The following GFRA2 variants were observed in gnomAD, a reference collection of about 807,000 sequenced individuals.
The protein encoded by GFRA2 is GDNF family receptor alpha 2.
In GFRA2, 17 loss-of-function variants were observed where a neutral mutation model predicts 48.3. The observed-to-expected ratio is 0.35, with a 90% CI of 0.24 to 0.53. The LOEUF is 0.53. Among genes scored for constraint, GFRA2 ranks in the 20% least tolerant of loss-of-function variants. The pLI, the probability that GFRA2 is intolerant of heterozygous loss-of-function variation, is 0.93. For missense variants in GFRA2, 660 were observed against 637.3 expected, an observed-to-expected ratio of 1.04 and a Z score of -0.38; for synonymous variants, 305 against 257.2, an observed-to-expected ratio of 1.19 and a Z score of -1.78.
chr8:21,756,425 G>A lies in GFRA2; in HGVS notation c.440-5483C>T, dbSNP rs77098861. On this transcript the variant is annotated intron_variant, in intron 3 of 8. Transcript: ENST00000524240. ...AGAAAAGACCCCAGGAGCGGGCCTG[G>A]GCTCTGAGGCTCTGCCAAGCACCTC... Among the ~76,000 whole-genome samples, 175 of 152,298 alleles carry A rather than the reference G, an allele frequency of 1.1e-3. 2 individuals are homozygous for A. In the East Asian group the frequency reaches 0.029, roughly 25 times the overall value.
chr8:21,808,235 G>C (rs1207434280), intron 1 of GFRA2, among the ~76,000 whole-genome samples: 1 of 152,130 alleles, frequency 6.6e-6, no homozygotes, highest in Non-Finnish European at 1.5e-5. Flanking sequence ...AAAACTCCAT[G>C]GTGGAATATT....
At chr8:21,746,055 T>G (rs1051789175) in intron 4 of GFRA2, among the ~76,000 whole-genome samples, 4 of 152,158 alleles carry the variant, frequency 2.6e-5, no homozygotes, top group Admixed American at 6.5e-5. Flanking sequence ...ACAGATGACT[T>G]GGTTCAGCAT....
intron 2 of GFRA2, among the ~76,000 whole-genome samples, chr8:21,801,660 TG>T (rs1284658347): frequency 6.6e-6 from 1 of 151,336 alleles, no homozygotes; most frequent in Non-Finnish European, 1.5e-5. Flanking sequence ...CCAGGCAGAG[TG>T]GGTAAAGGAA....
intron 6 of GFRA2, among the ~76,000 whole-genome samples, chr8:21,704,279 G>T (rs1364267035): frequency 6.6e-6 from 1 of 152,172 alleles, no homozygotes; most frequent in Non-Finnish European, 1.5e-5. Flanking sequence ...CTTCCTGGCT[G>T]ACTTGGGCAT....
chr8:21,788,369 T>C lies in GFRA2; in HGVS notation c.-210A>G. On this transcript the variant is annotated 5_prime_UTR_variant, in exon 1 of 9. Transcript: ENST00000524240. The stretch of plus-strand genomic sequence containing the variant: ...GGGTGAGAGGCGGGCGATGGGCTGC[T>C]GCCTCTCGACGCCCCCCTTGCCCGC... 1 of 1,344,914 alleles carries C rather than the reference T, an allele frequency of 7.4e-7. No individual in the cohort carries two copies. The highest frequency in any genetic ancestry group is 9.5e-7 in the Non-Finnish European group (1 of 1,053,760). 83.3% of individuals were successfully genotyped at this position (1,344,914 alleles called of 1,614,324 possible).
intron 4 of GFRA2, among the ~76,000 whole-genome samples, chr8:21,710,726 C>T (rs960011747): frequency 6.6e-6 from 1 of 152,204 alleles, no homozygotes; most frequent in Non-Finnish European, 1.5e-5. Context: ...CCTTGGAGAG[C>T]TATTCATAGC....
At chr8:21,783,139 G>C (rs1243713132) in intron 1 of GFRA2, 7 of 673,252 alleles carry the variant, frequency 1.0e-5, no homozygotes, top group Non-Finnish European at 1.9e-5. Context: ...CAGCGGCCCT[G>C]GGCCTAGGAG....
At position 21,750,912 on chromosome 8, in the gene GFRA2, T is replaced by C. The variant is rs529037615; in HGVS notation, c.470A>G (p.Lys157Arg). The change falls in exon 4 of 9, where the codon AAG becomes AGG. Residue 157 changes from lysine (K) to arginine (R), a missense_variant. Lys to Arg is a conservative substitution (Grantham distance 26). Coordinates refer to ENST00000524240, the MANE Select transcript of GFRA2 (RefSeq NM_001495.5). The surrounding 1 kb of genome is among the most constrained non-coding windows in gnomAD (Gnocchi z 5.7). ...GTGADPVVSA[K>R]SNHCLDAAKA... ...GGCAGCATCCAGGCAATGGTTGCTC[T>C]TGGCGCTGACCACCGGGTCTGCCCC... is the stretch of plus-strand genomic sequence containing the variant. 3.1e-6 allele frequency: 5 copies of C among 1,612,862 alleles called. No individual in the cohort carries two copies. The highest frequency in any genetic ancestry group is 4.2e-6 in the Non-Finnish European group (5 of 1,179,602).
At chr8:21,805,487 C>T (rs1807843259) in intron 1 of GFRA2, among the ~76,000 whole-genome samples, 1 of 152,178 alleles carries the variant, frequency 6.6e-6, no homozygotes, top group Non-Finnish European at 1.5e-5. Context: ...GTTACAGTGG[C>T]TTGGGGAGGT....
At chr8:21,736,345 G>A (rs1390778172) in intron 4 of GFRA2, among the ~76,000 whole-genome samples, 4 of 152,158 alleles carry the variant, frequency 2.6e-5, no homozygotes, top group Non-Finnish European at 5.9e-5. Flanking sequence ...AACACATACT[G>A]TGTGACATCA....
chr8:21,809,666 C>A (rs1025535373), intron 1 of GFRA2, among the ~76,000 whole-genome samples: 1 of 152,146 alleles, frequency 6.6e-6, no homozygotes, highest in African/African-American at 2.4e-5. Flanking sequence ...AGGCCTGTAC[C>A]CCCCAGTTCC....
chr8:21,710,639 C>A (rs1229029846), intron 4 of GFRA2, among the ~76,000 whole-genome samples: 2 of 152,200 alleles, frequency 1.3e-5, no homozygotes, highest in African/African-American at 2.4e-5. Context: ...CGGGTGACCA[C>A]TGACAAGAGC....
intron 3 of GFRA2, among the ~76,000 whole-genome samples, chr8:21,767,838 T>C (rs1196382936): frequency 6.6e-6 from 1 of 152,248 alleles, no homozygotes; most frequent in Non-Finnish European, 1.5e-5. Flanking sequence ...GTCTTTTTCA[T>C]AGCAATTTCT....
intron 3 of GFRA2, among the ~76,000 whole-genome samples, chr8:21,765,560 T>C (rs150171509): frequency 0.041 from 6,297 of 152,036 alleles, 436 homozygotes; most frequent in African/African-American, 0.14. Context: ...CCTGACTATA[T>C]ACCCTCCCTC....
Position 21,744,550 on chromosome 8 carries a change from A to AACACACACACACACACACACAC in GFRA2, c.794+6016_794+6037dup, listed in dbSNP as rs71721911. Among the ~76,000 whole-genome samples the AACACACACACACACACACACAC allele has an allele frequency of 1.0e-3, 142 of 140,220 alleles. 4 individuals carry two copies. The highest frequency in any genetic ancestry group is 4.0e-3 in the African/African-American group (137 of 34,630). 92.0% of individuals were successfully genotyped at this position (140,220 alleles called of 152,430 possible). A position where few individuals can be genotyped will look rare whatever the true frequency, so the allele number is the denominator to read the frequency against. Reference sequence around the variant, plus strand: ...CTCCCACGACCCCCCAACCACCACCAACACACACACACACACACACACACA... The same window carrying AACACACACACACACACACACAC: ...CTCCCACGACCCCCCAACCACCACCAACACACACACACACACACACACACACACACACACACACACACACACA... On this transcript the variant is annotated intron_variant, in intron 4 of 8. Transcript: ENST00000524240.
intron 4 of GFRA2, among the ~76,000 whole-genome samples, chr8:21,739,999 C>T (rs903880452): frequency 5.3e-5 from 8 of 152,196 alleles, no homozygotes; most frequent in African/African-American, 1.9e-4. Context: ...GTGGCCCCTC[C>T]AAGCCCAGGG....
Position 21,710,445 on chromosome 8 carries a change from G to C in GFRA2, c.795-4404C>G, listed in dbSNP as rs570267507. ...GCAAGGTGGATCTCGGTCCCACACA[G>C]GGCAAGTGAGCGCATCAAGGAGACG... On this transcript the variant is annotated intron_variant, in intron 4 of 8. Transcript: ENST00000524240. 2.6e-5 allele frequency among the ~76,000 whole-genome samples: 4 copies of C among 152,178 alleles called. No homozygotes were observed. In the South Asian group the frequency reaches 6.2e-4, roughly 24 times the overall value.
intron 4 of GFRA2, among the ~76,000 whole-genome samples, chr8:21,722,214 C>T (rs1433931515): frequency 6.6e-6 from 1 of 152,172 alleles, no homozygotes; most frequent in East Asian, 1.9e-4. Context: ...CTTCCTCCTA[C>T]TTGGACTCCC....
chr8:21,743,076 C>T lies in GFRA2; in HGVS notation c.794+7512G>A, dbSNP rs142694383. On this transcript the variant is annotated intron_variant, in intron 4 of 8. Coordinates refer to ENST00000524240, the MANE Select transcript of GFRA2 (RefSeq NM_001495.5). The stretch of plus-strand genomic sequence containing the variant: ...ATTCCAGCCTTGTCTCAACATGTCG[C>T]GGGAAATTCCAGGGAGGGTCACTCG... 8.2e-3 allele frequency among the ~76,000 whole-genome samples: 1,247 copies of T among 152,252 alleles called. 10 individuals are homozygous for T. The highest frequency in any genetic ancestry group is 0.013 in the Non-Finnish European group (909 of 68,020).
Sources: gnomAD v4.1 joint callset for allele counts (sites outside exome capture counted in the v4.1 genomes callset) on GRCh38, gnomAD v4.1.1 for gene constraint, Gnocchi (gnomAD v3.1) non-coding constraint, MANE v1.5 for transcripts, NCBI Gene and HGNC (gene_info 2026-07-23, HGNC 2026-07-21) for gene names.